Variants in ALK observed in about 807,000 individuals in gnomAD.
ALK encodes ALK tyrosine kinase receptor.
Under a neutral mutation model 163.1 loss-of-function variants are expected in ALK, and 74 were observed. That is an observed-to-expected ratio of 0.45 (90% CI 0.38 to 0.55). The LOEUF is 0.55. ALK is among the 20% of genes least tolerant of loss of function. The pLI is 0.00. For synonymous variants in ALK, 960 were observed against 843.2 expected (o/e 1.14, Z -2.40); for missense variants, 2,063 against 2,105.3 (o/e 0.98, Z 0.39).
intron 1 of ALK, among the ~76,000 whole-genome samples, chr2:29,899,252 T>C (rs1235672141): frequency 6.6e-6 from 1 of 152,174 alleles, no homozygotes; most frequent in Non-Finnish European, 1.5e-5. Context: ...TGGCATCGTG[T>C]GAGGCAGCCC....
At chr2:29,442,676 T>C (rs145700173) in intron 4 of ALK, among the ~76,000 whole-genome samples, 3 of 152,266 alleles carry the variant, frequency 2.0e-5, no homozygotes, top group African/African-American at 4.8e-5. Context: ...AAAGCACACC[T>C]AGATCCTAAG....
chr2:29,369,207 A>G (rs955962804), intron 5 of ALK, among the ~76,000 whole-genome samples: 3 of 151,966 alleles, frequency 2.0e-5, no homozygotes, highest in South Asian at 2.1e-4. Flanking sequence ...TAAGACCTCA[A>G]TCTCTAATTA....
At chr2:29,451,432 C>T (rs1307454281) in intron 4 of ALK, among the ~76,000 whole-genome samples, 1 of 152,094 alleles carries the variant, frequency 6.6e-6, no homozygotes, top group African/African-American at 2.4e-5. Flanking sequence ...ACTCTATCGC[C>T]CTCCTTCCTG....
At chr2:29,762,225 C>T (rs1680726432) in intron 1 of ALK, among the ~76,000 whole-genome samples, 1 of 152,216 alleles carries the variant, frequency 6.6e-6, no homozygotes, top group Non-Finnish European at 1.5e-5. Flanking sequence ...TCTTCTCTAA[C>T]ACCACTGAAC....
intron 1 of ALK, among the ~76,000 whole-genome samples, chr2:29,869,831 A>T (rs1462655188): frequency 6.6e-6 from 1 of 152,206 alleles, no homozygotes; most frequent in East Asian, 1.9e-4. Flanking sequence ...AAGAACAAAT[A>T]CCAAAAACAA....
At position 29,514,075 on chromosome 2, in the gene ALK, T is replaced by C. The variant is rs1672593500; in HGVS notation, c.1154+17840A>G. On this transcript the variant is annotated intron_variant, in intron 4 of 28. Transcript: ENST00000389048. ...TGAGACTGTAAACTAGTTCAACCAT[T>C]GTGGAAGTCAGTGTGGCGATTCCTC... 1.9e-5 allele frequency among the ~76,000 whole-genome samples: 2 copies of C among 106,174 alleles called. 1 individual carries two copies. Among genetic ancestry groups the C allele is most frequent in the Non-Finnish European group, 3.9e-5 (2 of 50,972 alleles). The allele number at this position is 106,174 out of a possible 152,430, so 69.7% of individuals were successfully genotyped here. A position where few individuals can be genotyped will look rare whatever the true frequency, so the allele number is the denominator to read the frequency against.
intron 3 of ALK, among the ~76,000 whole-genome samples, chr2:29,550,568 C>T (rs1673688386): frequency 6.6e-6 from 1 of 152,138 alleles, no homozygotes; most frequent in Non-Finnish European, 1.5e-5. Context: ...AAGAAGGTGA[C>T]TTTGTATCTG....
At chr2:29,297,827 T>C (rs1294077503) in intron 8 of ALK, among the ~76,000 whole-genome samples, 1 of 141,144 alleles carries the variant, frequency 7.1e-6, no homozygotes, top group Non-Finnish European at 1.6e-5. Context: ...GGACATACTA[T>C]AAACAAGGTT....
At chr2:29,892,952 T>C (rs1667181610) in intron 1 of ALK, among the ~76,000 whole-genome samples, 1 of 152,218 alleles carries the variant, frequency 6.6e-6, no homozygotes, top group East Asian at 1.9e-4. Context: ...GTCAATTCCA[T>C]TGTGCCCAGA....
chr2:29,911,418 C>A (rs1667699296), intron 1 of ALK, among the ~76,000 whole-genome samples: 1 of 152,152 alleles, frequency 6.6e-6, no homozygotes. Flanking sequence ...GGAGGGAATC[C>A]CCATTTTGTT....
intron 8 of ALK, among the ~76,000 whole-genome samples, chr2:29,298,529 C>G (rs997094131): frequency 6.6e-6 from 1 of 152,154 alleles, no homozygotes; most frequent in Non-Finnish European, 1.5e-5. Flanking sequence ...ACTGTTGAGT[C>G]TCAATGCCCT....
At chr2:29,251,023 A>G (rs950926822) in intron 12 of ALK, 82 bp downstream of exon 12, 14 of 1,459,098 alleles carry the variant, frequency 9.6e-6, no homozygotes, top group Non-Finnish European at 1.3e-5. Context: ...TGGGCACCCC[A>G]GGAACATGCA....
chr2:29,909,382 T>C (rs968557224), intron 1 of ALK, among the ~76,000 whole-genome samples: 1 of 151,888 alleles, frequency 6.6e-6, no homozygotes, highest in East Asian at 1.9e-4. Context: ...GTCATAGAGA[T>C]TGGTGTCTAG....
At chr2:29,419,695 A>G (rs1669970634) in intron 4 of ALK, among the ~76,000 whole-genome samples, 1 of 151,592 alleles carries the variant, frequency 6.6e-6, no homozygotes, top group South Asian at 2.1e-4. Flanking sequence ...AAGGTTTATC[A>G]TCGGGAAAGT....
chr2:29,617,959 G>A (rs1003824426), intron 3 of ALK, among the ~76,000 whole-genome samples: 3 of 152,134 alleles, frequency 2.0e-5, no homozygotes, highest in Admixed American at 6.6e-5. Flanking sequence ...ACCACCGTTG[G>A]GCTGGGAGAC....
intron 5 of ALK, among the ~76,000 whole-genome samples, chr2:29,334,710 G>A (rs370152044): frequency 2.6e-5 from 4 of 152,256 alleles, no homozygotes; most frequent in African/African-American, 7.2e-5. Flanking sequence ...TACCAACTCC[G>A]CCCAGTCTCC....
chr2:29,261,994 G>T (rs753109414), intron 11 of ALK, among the ~76,000 whole-genome samples: 1 of 152,204 alleles, frequency 6.6e-6, no homozygotes, highest in Non-Finnish European at 1.5e-5. Flanking sequence ...TCAGATAAAA[G>T]GATGGTATCA....
intron 1 of ALK, among the ~76,000 whole-genome samples, chr2:29,816,317 T>G (rs1459518812): frequency 6.6e-6 from 1 of 152,172 alleles, no homozygotes; most frequent in African/African-American, 2.4e-5. Context: ...ACCTGTTTCC[T>G]TCTCTCTAGA....
intron 2 of ALK, among the ~76,000 whole-genome samples, chr2:29,716,478 G>C (rs546140437): frequency 6.6e-6 from 1 of 152,326 alleles, no homozygotes; most frequent in East Asian, 1.9e-4. Context: ...TCTCATTGCA[G>C]AGACCCAGCT....
Sources: allele counts gnomAD v4.1 joint callset (sites outside exome capture counted in the v4.1 genomes callset), GRCh38; gene constraint gnomAD v4.1.1; transcripts MANE v1.5; gene names NCBI Gene and HGNC (gene_info 2026-07-23, HGNC 2026-07-21).